Variants in CSGALNACT1 observed in about 807,000 individuals in gnomAD.
CSGALNACT1 encodes the protein beta4GalNAcT-1.
CSGALNACT1 carries 52 observed loss-of-function variants against 51.0 expected under a neutral mutation model. That is an observed-to-expected ratio of 1.02 (90% CI 0.82 to 1.29). The LOEUF (loss-of-function observed/expected upper bound fraction) is 1.29, where lower values mean the gene tolerates loss of function less well. CSGALNACT1 is among the 50% of genes most tolerant of loss of function. The pLI, the probability that CSGALNACT1 is intolerant of heterozygous loss-of-function variation, is 0.00. For missense variants in CSGALNACT1, 935 were observed against 679.2 expected (o/e 1.38, Z -4.19); for synonymous variants, 341 against 254.4 (o/e 1.34, Z -3.24).
chr8:19,505,034 T>C (rs2077041858), intron 4 of CSGALNACT1, among the ~76,000 whole-genome samples, 167 bp downstream of exon 3: 1 of 152,146 alleles, frequency 6.6e-6, no homozygotes, highest in Non-Finnish European at 1.5e-5. Context: ...AACAGATGTT[T>C]CTGAAAAATA....
intron 3 of CSGALNACT1, among the ~76,000 whole-genome samples, chr8:19,524,382 A>G (rs1322571554): frequency 6.6e-6 from 1 of 152,172 alleles, no homozygotes; most frequent in Non-Finnish European, 1.5e-5. Context: ...TAATAAAAAG[A>G]CGAAAAAATA....
intron 3 of CSGALNACT1, among the ~76,000 whole-genome samples, chr8:19,534,542 G>C (rs2083386908): frequency 6.6e-6 from 1 of 152,126 alleles, no homozygotes; most frequent in African/African-American, 2.4e-5. Flanking sequence ...GCTGTAGATG[G>C]TGGTGCACAA....
chr8:19,427,541 C>G (rs576648745), intron 6 of CSGALNACT1, among the ~76,000 whole-genome samples: 21 of 152,234 alleles, frequency 1.4e-4, no homozygotes, highest in African/African-American at 4.6e-4. Context: ...GTAATCCCAG[C>G]ACTTTGGGAG....
chr8:19,549,619 C>G (rs376433990), intron 3 of CSGALNACT1, among the ~76,000 whole-genome samples: 46 of 151,438 alleles, frequency 3.0e-4, no homozygotes, highest in African/African-American at 1.0e-3. Context: ...CCTTTTCTCC[C>G]CATCAGGAAA....
chr8:19,729,602 C>T (rs547524022), intron 1 of CSGALNACT1, among the ~76,000 whole-genome samples: 2 of 152,294 alleles, frequency 1.3e-5, no homozygotes, highest in African/African-American at 2.4e-5. Context: ...AGCCTAGGAC[C>T]TCACCAAGGC....
intron 6 of CSGALNACT1, among the ~76,000 whole-genome samples, chr8:19,425,931 G>C (rs4333618): frequency 0.47 from 70,847 of 151,930 alleles, 17,983 homozygotes; most frequent in East Asian, 0.82. Context: ...CAAACTTACA[G>C]TGCGCACTCT....
chr8:19,702,996 G>A (rs1324911172), intron 1 of CSGALNACT1, among the ~76,000 whole-genome samples: 2 of 151,792 alleles, frequency 1.3e-5, no homozygotes, highest in South Asian at 2.1e-4. Context: ...TATCTCATCT[G>A]ATCAACATGA....
intron 2 of CSGALNACT1, among the ~76,000 whole-genome samples, chr8:19,593,238 C>T (rs563269783): frequency 4.6e-5 from 7 of 152,274 alleles, no homozygotes; most frequent in Middle Eastern, 6.8e-3. Context: ...AGCACATAAA[C>T]GCAAGTTCTC....
intron 4 of CSGALNACT1, among the ~76,000 whole-genome samples, chr8:19,468,495 C>A (rs2067261160): frequency 6.6e-6 from 1 of 152,066 alleles, no homozygotes; most frequent in Non-Finnish European, 1.5e-5. Context: ...GAGGTGAGAT[C>A]TTTCAGGATA....
chr8:19,689,817 A>T (rs929660418), intron 1 of CSGALNACT1, among the ~76,000 whole-genome samples: 3 of 152,234 alleles, frequency 2.0e-5, no homozygotes, highest in Non-Finnish European at 4.4e-5. Flanking sequence ...AGCATAAAGA[A>T]GTCCCCTGTG....
At chr8:19,413,788 G>A (rs753210357) in intron 8 of CSGALNACT1, among the ~76,000 whole-genome samples, 4 of 152,178 alleles carry the variant, frequency 2.6e-5, no homozygotes, top group Non-Finnish European at 4.4e-5. Context: ...GTCGGATGCC[G>A]TGGGCATTAG....
At chr8:19,735,421 T>C (rs1327950820) in intron 1 of CSGALNACT1, among the ~76,000 whole-genome samples, 1 of 152,090 alleles carries the variant, frequency 6.6e-6, no homozygotes, top group Non-Finnish European at 1.5e-5. Context: ...AATTCTCACA[T>C]TAACATTCCC....
intron 4 of CSGALNACT1, among the ~76,000 whole-genome samples, chr8:19,489,265 G>T (rs1240271972): frequency 6.6e-6 from 1 of 152,104 alleles, no homozygotes. Flanking sequence ...TCAAAATACA[G>T]ATAGGGAAGA....
chr8:19,659,707 T>C (rs1397094198), intron 1 of CSGALNACT1, among the ~76,000 whole-genome samples: 1 of 152,236 alleles, frequency 6.6e-6, no homozygotes, highest in Non-Finnish European at 1.5e-5. Flanking sequence ...CCTACATTAT[T>C]GGCTAAAGGC....
rs150970238 is a variant in CSGALNACT1 at position 19,649,438 on chromosome 8, T to C, written c.-544+33035A>G. On this transcript the variant is annotated intron_variant, in intron 1 of 9. Coordinates refer to the CSGALNACT1 transcript ENST00000332246. ...AAAAATAATAAATCCAGTGTTTTTT[T>C]ACTCTGCCTTCTGGAATTAATTAGG... Among the ~76,000 whole-genome samples, 1,155 of 152,298 alleles carry C rather than the reference T, an allele frequency of 7.6e-3. 7 individuals carry two copies. Among genetic ancestry groups the C allele is most frequent in the Middle Eastern group, 0.017 (5 of 294 alleles).
At chr8:19,448,002 G>A (rs923602636) in intron 5 of CSGALNACT1, among the ~76,000 whole-genome samples, 1 of 152,248 alleles carries the variant, frequency 6.6e-6, no homozygotes, top group African/African-American at 2.4e-5. Context: ...CCATTAGGGA[G>A]TGATAGCCCC....
At chr8:19,460,785 T>G (rs2065193679) in intron 4 of CSGALNACT1, among the ~76,000 whole-genome samples, 1 of 152,208 alleles carries the variant, frequency 6.6e-6, no homozygotes, top group South Asian at 2.1e-4. Context: ...TTGTGGGAAC[T>G]ACATGTCTTC....
chr8:19,553,972 A>G (rs1171251693), intron 3 of CSGALNACT1, among the ~76,000 whole-genome samples: 1 of 151,932 alleles, frequency 6.6e-6, no homozygotes, highest in African/African-American at 2.4e-5. Context: ...GATATCTTTC[A>G]GAATAGAGAA....
intron 3 of CSGALNACT1, among the ~76,000 whole-genome samples, chr8:19,537,539 C>T (rs2084042619): frequency 6.6e-6 from 1 of 152,130 alleles, no homozygotes; most frequent in African/African-American, 2.4e-5. Context: ...TTCCCTTTAC[C>T]CCTCACTCAA....
Sources: gnomAD v4.1 joint callset for allele counts (sites outside exome capture counted in the v4.1 genomes callset) on GRCh38, gnomAD v4.1.1 for gene constraint, MANE v1.5 for transcripts, NCBI Gene and HGNC (gene_info 2026-07-23, HGNC 2026-07-21) for gene names.